Variants in GLIS3 observed in about 807,000 individuals in gnomAD.
GLIS3 encodes the protein GLIS family zinc finger 3, also known as zinc finger protein GLIS3.
Under a neutral mutation model 78.6 loss-of-function variants are expected in GLIS3, and 53 were observed. The ratio of observed to expected loss-of-function variants is 0.67; its 90% CI spans 0.54 to 0.85. The LOEUF is 0.85. GLIS3 is among the 40% of genes least tolerant of loss of function. The pLI is 0.00. For synonymous variants in GLIS3, 684 were observed against 509.9 expected, an observed-to-expected ratio of 1.34 and a Z score of -4.60; for missense variants, 1,703 against 1,231.1, an observed-to-expected ratio of 1.38 and a Z score of -5.74.
intron 2 of GLIS3, among the ~76,000 whole-genome samples, chr9:4,222,563 G>A (rs1821423178): frequency 6.6e-6 from 1 of 152,156 alleles, no homozygotes; most frequent in African/African-American, 2.4e-5. Context: ...CATGGTACTG[G>A]AGTTTGCCAA....
At chr9:4,220,926 A>C (rs1004374576) in intron 2 of GLIS3, among the ~76,000 whole-genome samples, 1 of 152,154 alleles carries the variant, frequency 6.6e-6, no homozygotes, top group Non-Finnish European at 1.5e-5. Flanking sequence ...TGGAGGTTGC[A>C]GTGAGCCATG....
intron 2 of GLIS3, among the ~76,000 whole-genome samples, chr9:4,221,726 T>C (rs922917801): frequency 2.0e-5 from 3 of 152,148 alleles, no homozygotes; most frequent in African/African-American, 7.2e-5. Flanking sequence ...TGGAAACACA[T>C]TACAAAGGAG....
chr9:4,352,213 A>T (rs1473741177), upstream of GLIS3, among the ~76,000 whole-genome samples: 46 of 152,220 alleles, frequency 3.0e-4, no homozygotes, highest in Admixed American at 3.0e-3. Flanking sequence ...AACATCAGTA[A>T]AACTCAGGCG....
rs1401383844 is a variant in GLIS3, at chr9:4,185,579, A to T, written c.389-59638T>A. On this transcript the variant is annotated intron_variant, in intron 2 of 10. Coordinates refer to ENST00000381971, the MANE Select transcript of GLIS3 (RefSeq NM_001042413.2). ...ATGTATTCATCAATGTCCCATAAGGAAGCAGATGGCACATTCAAATTACAA... is the reference window on the plus strand; with the variant it reads ...ATGTATTCATCAATGTCCCATAAGGTAGCAGATGGCACATTCAAATTACAA... 2.0e-5 allele frequency among the ~76,000 whole-genome samples: 3 copies of T among 152,142 alleles called. No homozygotes were observed. The South Asian group carries it at 6.2e-4, about 32-fold the overall frequency.
intron 2 of GLIS3, among the ~76,000 whole-genome samples, chr9:4,155,366 C>T (rs777913760): frequency 4.6e-5 from 7 of 152,326 alleles, no homozygotes; most frequent in East Asian, 1.9e-4. Context: ...CATTACATGG[C>T]GCATTTTGTC....
At chr9:4,419,530 T>C in the GLIS3 span, among the ~76,000 whole-genome samples, 5 of 152,100 alleles carry the variant, frequency 3.3e-5, no homozygotes, top group Admixed American at 6.6e-5. Flanking sequence ...TGGCTCATGC[T>C]TGTAATCCCA....
At chr9:4,136,506 A>C (rs1386252408) in intron 2 of GLIS3, among the ~76,000 whole-genome samples, 2 of 152,180 alleles carry the variant, frequency 1.3e-5, no homozygotes, top group African/African-American at 4.8e-5. Context: ...TAAAAATGTA[A>C]ATGCATGTGA....
At chr9:4,078,964 T>C (rs886458262) in intron 4 of GLIS3, among the ~76,000 whole-genome samples, 1 of 152,178 alleles carries the variant, frequency 6.6e-6, no homozygotes, top group Non-Finnish European at 1.5e-5. Flanking sequence ...AAACAAATGT[T>C]TTCCAGGTCT....
chr9:4,165,117 G>A (rs1318138754), intron 2 of GLIS3, among the ~76,000 whole-genome samples: 2 of 152,112 alleles, frequency 1.3e-5, no homozygotes, highest in Non-Finnish European at 2.9e-5. Context: ...GGCTGGAGGG[G>A]CCCTGAAACA....
intron 4 of GLIS3, among the ~76,000 whole-genome samples, chr9:4,088,928 C>T (rs1045539220): frequency 2.6e-5 from 4 of 152,132 alleles, no homozygotes; most frequent in South Asian, 2.1e-4. Flanking sequence ...CTTCATTCCT[C>T]GAGAAAAAAA....
At chr9:4,058,330 G>A (rs1826318251) in intron 4 of GLIS3, among the ~76,000 whole-genome samples, 1 of 151,926 alleles carries the variant, frequency 6.6e-6, no homozygotes, top group Non-Finnish European at 1.5e-5. Flanking sequence ...AAGCATGGCA[G>A]AGAGTAAGCA....
chr9:4,412,594 G>T, the GLIS3 span, among the ~76,000 whole-genome samples: 5 of 152,138 alleles, frequency 3.3e-5, no homozygotes, highest in African/African-American at 1.2e-4. Flanking sequence ...ATGGTATTTG[G>T]CACTGGGTGA....
the GLIS3 span, among the ~76,000 whole-genome samples, chr9:4,449,944 A>G: frequency 6.6e-6 from 1 of 152,212 alleles, no homozygotes; most frequent in East Asian, 1.9e-4. Flanking sequence ...CTTCTCCTCC[A>G]AAGGATCACA....
chr9:4,456,398 A>C, the GLIS3 span, among the ~76,000 whole-genome samples: 1 of 152,178 alleles, frequency 6.6e-6, no homozygotes, highest in African/African-American at 2.4e-5. Context: ...CTTTCACAAA[A>C]GCTTTCTCTA....
intron 2 of GLIS3, among the ~76,000 whole-genome samples, chr9:4,154,827 T>G (rs1586826512): frequency 6.6e-6 from 1 of 152,186 alleles, no homozygotes; most frequent in East Asian, 1.9e-4. Flanking sequence ...TATTTAGACA[T>G]TTAGACCATC....
chr9:4,003,821 A>G (rs1821319502), intron 4 of GLIS3, among the ~76,000 whole-genome samples: 1 of 152,202 alleles, frequency 6.6e-6, no homozygotes, highest in African/African-American at 2.4e-5. Flanking sequence ...TACTCTTGCA[A>G]CTTTCTAAAA....
At chr9:4,288,803 G>C (rs2130368000) in intron 1 of GLIS3, among the ~76,000 whole-genome samples, 1 of 152,176 alleles carries the variant, frequency 6.6e-6, no homozygotes, top group African/African-American at 2.4e-5. Context: ...AAAGTAAAGT[G>C]ATTAATACCA....
chr9:4,168,603 T>C (rs997457373), intron 2 of GLIS3, among the ~76,000 whole-genome samples: 1 of 141,552 alleles, frequency 7.1e-6, no homozygotes, highest in Non-Finnish European at 1.5e-5. Context: ...CTGATACTCA[T>C]ATTATTAAGT....
intron 2 of GLIS3, among the ~76,000 whole-genome samples, chr9:4,341,558 C>T (rs1028378929): frequency 1.3e-5 from 2 of 152,182 alleles, no homozygotes; most frequent in African/African-American, 4.8e-5. Flanking sequence ...CTCTTCTGTC[C>T]TCAGACCCCT....
Sources: allele counts gnomAD v4.1 joint callset (sites outside exome capture counted in the v4.1 genomes callset), GRCh38; gene constraint gnomAD v4.1.1; transcripts MANE v1.5; gene names NCBI Gene and HGNC (gene_info 2026-07-23, HGNC 2026-07-21).